The following RORA variants were observed in gnomAD, a reference collection of about 807,000 sequenced individuals.
The protein encoded by RORA is RAR related orphan receptor A.
RORA carries 7 observed loss-of-function variants against 69.5 expected under a neutral mutation model. The ratio of observed to expected loss-of-function variants is 0.10; its 90% CI spans 0.06 to 0.19. RORA has a LOEUF of 0.19. RORA is among the 10% of genes least tolerant of loss of function. The pLI, the probability that RORA is intolerant of heterozygous loss-of-function variation, is 1.00. For missense variants in RORA, 457 were observed against 663.0 expected, an observed-to-expected ratio of 0.69 and a Z score of 3.41; for synonymous variants, 261 against 240.8, an observed-to-expected ratio of 1.08 and a Z score of -0.78.
chr15:60,825,680 G>A (rs756866130), intron 1 of RORA, among the ~76,000 whole-genome samples: 9 of 152,144 alleles, frequency 5.9e-5, no homozygotes, highest in East Asian at 1.9e-4. Flanking sequence ...GAAGAACAGC[G>A]AACTGGTACC....
intron 1 of RORA, among the ~76,000 whole-genome samples, chr15:60,713,046 T>G (rs1372621457): frequency 6.6e-6 from 1 of 152,172 alleles, no homozygotes; most frequent in Non-Finnish European, 1.5e-5. Flanking sequence ...GACTTTTCAT[T>G]TCCTTTACTT....
intron 1 of RORA, among the ~76,000 whole-genome samples, chr15:61,111,854 G>A (rs112946741): frequency 2.0e-5 from 3 of 152,278 alleles, no homozygotes; most frequent in African/African-American, 7.2e-5. Flanking sequence ...TAAGGACTAT[G>A]AGTTTTAAAT....
chr15:60,490,341 T>C lies in RORA; in HGVS notation c.*7114A>G, dbSNP rs1467517744. On this transcript the variant is annotated 3_prime_UTR_variant, in exon 11 of 11. Coordinates refer to ENST00000335670, the MANE Select transcript of RORA (RefSeq NM_134261.3). This position sits in a 1 kb window ranked among gnomAD's most constrained non-coding sequence, Gnocchi z 4.1. ...CACTCTAGTTCTAAACAGCTATGTCTAAAATAGATTATATAGTAAAACCGG... is the reference window on the plus strand; with the variant it reads ...CACTCTAGTTCTAAACAGCTATGTCCAAAATAGATTATATAGTAAAACCGG... 3 of 152,114 alleles carry C rather than the reference T, an allele frequency of 2.0e-5. No homozygotes were observed. The highest frequency in any genetic ancestry group is 4.4e-5 in the Non-Finnish European group (3 of 67,990). 9.4% of individuals were successfully genotyped at this position (152,114 alleles called of 1,614,324 possible). A position where few individuals can be genotyped will look rare whatever the true frequency, so the allele number is the denominator to read the frequency against.
chr15:60,986,530 C>G (rs1344364213), intron 1 of RORA, among the ~76,000 whole-genome samples: 2 of 152,168 alleles, frequency 1.3e-5, no homozygotes, highest in African/African-American at 4.8e-5. Context: ...AGGTGACCGG[C>G]TAGGTGAGAA....
intron 1 of RORA, among the ~76,000 whole-genome samples, chr15:60,965,655 C>T (rs1893535110): frequency 6.6e-6 from 1 of 152,160 alleles, no homozygotes; most frequent in African/African-American, 2.4e-5. Flanking sequence ...AGGGCAGAAG[C>T]CTCTTTCACA....
At chr15:60,544,593 C>G (rs1163520634) in intron 2 of RORA, among the ~76,000 whole-genome samples, 1 of 152,112 alleles carries the variant, frequency 6.6e-6, no homozygotes, top group Non-Finnish European at 1.5e-5. Context: ...CAACACCATG[C>G]TAATACGCTG....
At chr15:60,916,153 T>C (rs1891867026) in intron 1 of RORA, among the ~76,000 whole-genome samples, 1 of 152,220 alleles carries the variant, frequency 6.6e-6, no homozygotes, top group Non-Finnish European at 1.5e-5. Flanking sequence ...TTTACACTTT[T>C]CCCAGGGCTG....
chr15:61,171,650 C>T (rs1051726513), intron 1 of RORA, among the ~76,000 whole-genome samples: 2 of 152,192 alleles, frequency 1.3e-5, no homozygotes, highest in African/African-American at 4.8e-5. Flanking sequence ...GGGGCAGTCT[C>T]CCCATAACCT....
At chr15:60,889,989 A>T (rs1290913619) in intron 1 of RORA, among the ~76,000 whole-genome samples, 1 of 152,232 alleles carries the variant, frequency 6.6e-6, no homozygotes, top group African/African-American at 2.4e-5. Context: ...TTGAAAATAG[A>T]GGAAAATGTA....
intron 2 of RORA, among the ~76,000 whole-genome samples, chr15:60,542,024 ATG>A (rs2066888154): frequency 6.6e-6 from 1 of 152,234 alleles, no homozygotes; most frequent in Non-Finnish European, 1.5e-5. Flanking sequence ...CTGTTTGGCA[ATG>A]TGTGTCTCTG....
At position 61,197,655 on chromosome 15, in the gene RORA, G is replaced by A. The variant is rs796205771; in HGVS notation, c.166+31398C>T. On this transcript the variant is annotated intron_variant, in intron 1 of 10. Coordinates refer to ENST00000335670, the MANE Select transcript of RORA (RefSeq NM_134261.3). ...GAGAGAAGGACATTCACTGGGAACCGTCAAGATGTCAAAAAATATCAATCC... is the reference window on the plus strand; with the variant it reads ...GAGAGAAGGACATTCACTGGGAACCATCAAGATGTCAAAAAATATCAATCC... 3.3e-5 allele frequency among the ~76,000 whole-genome samples: 5 copies of A among 152,282 alleles called. No individual in the cohort carries two copies. In the South Asian group the frequency reaches 8.3e-4, roughly 25 times the overall value.
chr15:60,601,747 A>G (rs1040827668), intron 2 of RORA, among the ~76,000 whole-genome samples: 2 of 152,158 alleles, frequency 1.3e-5, no homozygotes, highest in African/African-American at 4.8e-5. Context: ...TAGCTTAATA[A>G]TCTTAAGCAG....
chr15:61,068,311 C>G (rs1490140962), intron 1 of RORA, among the ~76,000 whole-genome samples: 1 of 109,048 alleles, frequency 9.2e-6, no homozygotes, highest in African/African-American at 3.7e-5. Flanking sequence ...CTAACCAATG[C>G]TTAACGGTGT....
intron 1 of RORA, among the ~76,000 whole-genome samples, chr15:61,101,357 G>C (rs1031736261): frequency 1.3e-5 from 2 of 152,130 alleles, no homozygotes; most frequent in African/African-American, 4.8e-5. Context: ...TGAAAAAAAG[G>C]CTTGTTTATT....
intron 1 of RORA, among the ~76,000 whole-genome samples, chr15:60,841,686 A>C (rs998734659): frequency 6.6e-6 from 1 of 152,198 alleles, no homozygotes; most frequent in Non-Finnish European, 1.5e-5. Flanking sequence ...AGGTGGAGCC[A>C]ACACCCCTCC....
chr15:61,201,008 C>T (rs1253149575), intron 1 of RORA, among the ~76,000 whole-genome samples: 1 of 152,210 alleles, frequency 6.6e-6, no homozygotes, highest in Admixed American at 6.5e-5. Flanking sequence ...TTTTCCACAG[C>T]AACAGAGTGG....
At chr15:60,932,566 C>T (rs193199528) in intron 1 of RORA, among the ~76,000 whole-genome samples, 37 of 152,304 alleles carry the variant, frequency 2.4e-4, no homozygotes, top group Middle Eastern at 3.4e-3. Flanking sequence ...AGATATGCAG[C>T]TTGAGTTTGC....
At chr15:60,676,724 CT>C (rs2070558980) in intron 2 of RORA, among the ~76,000 whole-genome samples, 1 of 152,228 alleles carries the variant, frequency 6.6e-6, no homozygotes, top group South Asian at 2.1e-4. Context: ...GTTCAAGTGT[CT>C]GTTTTTAGAA....
At chr15:60,792,583 A>G (rs558921550) in intron 1 of RORA, among the ~76,000 whole-genome samples, 1 of 152,240 alleles carries the variant, frequency 6.6e-6, no homozygotes, top group Admixed American at 6.5e-5. Flanking sequence ...AGAAACAACA[A>G]TATGAATGAT....
Sources: gnomAD v4.1 joint callset for allele counts (sites outside exome capture counted in the v4.1 genomes callset) on GRCh38, gnomAD v4.1.1 for gene constraint, Gnocchi (gnomAD v3.1) non-coding constraint, MANE v1.5 for transcripts, NCBI Gene and HGNC (gene_info 2026-07-23, HGNC 2026-07-21) for gene names.